The following NBAS variants were observed in gnomAD, a reference collection of about 807,000 sequenced individuals.
NBAS encodes the protein NBAS subunit of NRZ tethering complex.
In NBAS, 219 loss-of-function variants were observed where a neutral mutation model predicts 302.5. The observed-to-expected ratio is 0.72, with a 90% CI of 0.65 to 0.81. The LOEUF is 0.81. Among genes scored for constraint, NBAS ranks in the 30% least tolerant of loss-of-function variants. The pLI is 0.00. For missense variants in NBAS, 2,932 were observed against 2,841.6 expected (o/e 1.03, Z -0.72); for synonymous variants, 1,118 against 1,021.6 (o/e 1.09, Z -1.80).
At chr2:15,546,940 T>C (rs892488616) in intron 6 of NBAS, among the ~76,000 whole-genome samples, 3 of 152,250 alleles carry the variant, frequency 2.0e-5, no homozygotes, top group Non-Finnish European at 4.4e-5. Context: ...ATACCTATAG[T>C]AGGCAAGCTG....
chr2:14,982,238 G>A, the NBAS span, among the ~76,000 whole-genome samples: 10 of 152,108 alleles, frequency 6.6e-5, no homozygotes, highest in Non-Finnish European at 4.4e-5. Flanking sequence ...TGAGGGAGCC[G>A]CCATCACTGT....
chr2:14,802,946 G>A, the NBAS span, among the ~76,000 whole-genome samples: 7 of 146,152 alleles, frequency 4.8e-5, no homozygotes, highest in South Asian at 2.2e-4. Context: ...GCTAGATGAC[G>A]AGTTAGTGGG....
chr2:15,215,645 A>G (rs1490386935), intron 48 of NBAS, among the ~76,000 whole-genome samples: 4 of 152,234 alleles, frequency 2.6e-5, no homozygotes, highest in Admixed American at 2.6e-4. Flanking sequence ...CATACAGTCA[A>G]TACTTGGGGA....
chr2:15,139,949 C>T, the NBAS span, among the ~76,000 whole-genome samples: 1 of 152,298 alleles, frequency 6.6e-6, no homozygotes, highest in East Asian at 1.9e-4. Context: ...ATTCTTCCCA[C>T]AGAGAGGTGA....
intron 21 of NBAS, among the ~76,000 whole-genome samples, chr2:15,453,544 C>A (rs549656800): frequency 3.9e-5 from 6 of 152,246 alleles, no homozygotes; most frequent in African/African-American, 1.4e-4. Flanking sequence ...CATAAAATTA[C>A]TGTGAAACCA....
chr2:15,041,513 A>G, the NBAS span, among the ~76,000 whole-genome samples: 2 of 152,174 alleles, frequency 1.3e-5, no homozygotes. Context: ...CCCAAGGGGG[A>G]GAGTGGCAAC....
intron 11 of NBAS, among the ~76,000 whole-genome samples, chr2:15,500,643 T>TA (rs1015065054): frequency 7.2e-4 from 70 of 97,870 alleles, no homozygotes; most frequent in South Asian, 4.7e-3. Flanking sequence ...TTTTGAAAAA[T>TA]AAAAAAAAAA....
the NBAS span, among the ~76,000 whole-genome samples, chr2:14,834,862 T>C: frequency 6.6e-5 from 10 of 152,062 alleles, no homozygotes; most frequent in Non-Finnish European, 1.5e-4. Flanking sequence ...ATTAGCACTG[T>C]AGGTGAGAAC....
chr2:14,920,903 CTT>C, the NBAS span, among the ~76,000 whole-genome samples: 4 of 144,804 alleles, frequency 2.8e-5, no homozygotes, highest in African/African-American at 2.5e-5. Flanking sequence ...GGCTGTTTCA[CTT>C]TTTTTTTTTT....
At chr2:15,048,154 C>G in the NBAS span, among the ~76,000 whole-genome samples, 1 of 152,234 alleles carries the variant, frequency 6.6e-6, no homozygotes, top group Non-Finnish European at 1.5e-5. Context: ...ATGGCAAGAG[C>G]AGCCCTAGAG....
chr2:14,789,804 A>T, the NBAS span, among the ~76,000 whole-genome samples: 1 of 152,202 alleles, frequency 6.6e-6, no homozygotes, highest in African/African-American at 2.4e-5. Context: ...ACAATTAAGG[A>T]AAGTAGAACT....
chr2:15,544,808 G>A (rs1483093020), intron 6 of NBAS, among the ~76,000 whole-genome samples: 2 of 152,098 alleles, frequency 1.3e-5, no homozygotes, highest in Admixed American at 6.5e-5. Context: ...TCAGGAGTTC[G>A]AGACCATCCT....
chr2:15,502,842 T>C (rs1363356547), intron 11 of NBAS, among the ~76,000 whole-genome samples: 1 of 152,218 alleles, frequency 6.6e-6, no homozygotes, highest in African/African-American at 2.4e-5. Flanking sequence ...AAATTAGCCT[T>C]CCCTTACTGT....
the NBAS span, among the ~76,000 whole-genome samples, chr2:15,146,696 C>G: frequency 6.6e-6 from 1 of 152,120 alleles, no homozygotes; most frequent in Non-Finnish European, 1.5e-5. Context: ...GAGCACCTCT[C>G]AGAGCGCAGA....
chr2:15,235,842 A>G (rs1667568662), intron 45 of NBAS, among the ~76,000 whole-genome samples: 1 of 152,162 alleles, frequency 6.6e-6, no homozygotes, highest in Non-Finnish European at 1.5e-5. Context: ...GAAATTCTCT[A>G]TTTCAGAAAA....
chr2:15,204,944 C>T (rs34591202), intron 48 of NBAS, among the ~76,000 whole-genome samples: 10,990 of 151,902 alleles, frequency 0.072, 442 homozygotes, highest in East Asian at 0.13. Flanking sequence ...ACCAACATGG[C>T]ACAGGTATAC....
chr2:15,031,354 A>T, the NBAS span, among the ~76,000 whole-genome samples: 1 of 152,178 alleles, frequency 6.6e-6, no homozygotes, highest in Non-Finnish European at 1.5e-5. Context: ...TAATCTCAAC[A>T]TGTCCACAGT....
At chr2:14,870,806 C>G in the NBAS span, among the ~76,000 whole-genome samples, 1 of 151,600 alleles carries the variant, frequency 6.6e-6, no homozygotes, top group Non-Finnish European at 1.5e-5. Context: ...TGGAAGCAAC[C>G]CAAAATTACA....
At chr2:15,364,518 C>T (rs552284161) in intron 32 of NBAS, among the ~76,000 whole-genome samples, 29 of 152,012 alleles carry the variant, frequency 1.9e-4, no homozygotes, top group African/African-American at 6.3e-4. Context: ...GCAACAAGAG[C>T]GAAACTCTGT....
Sources: gnomAD v4.1 joint callset for allele counts (sites outside exome capture counted in the v4.1 genomes callset) on GRCh38, gnomAD v4.1.1 for gene constraint, MANE v1.5 for transcripts, NCBI Gene and HGNC (gene_info 2026-07-23, HGNC 2026-07-21) for gene names.